The following CDK15 variants were observed in gnomAD, a reference collection of about 807,000 sequenced individuals.
CDK15 encodes cyclin-dependent kinase 15.
In CDK15, 62 loss-of-function variants were observed where a neutral mutation model predicts 60.3. That is an observed-to-expected ratio of 1.03 (90% CI 0.84 to 1.27). The LOEUF is 1.27. Ranked by LOEUF, CDK15 falls within the 50% of genes most tolerant of loss-of-function variation. CDK15 has a pLI of 0.00. For missense variants in CDK15, 541 were observed against 527.8 expected (o/e 1.03, Z -0.25); for synonymous variants, 194 against 195.7 (o/e 0.99, Z 0.07).
intron 12 of CDK15, chr2:201,889,348 GTGACA>G: frequency 1.0e-6 from 1 of 984,946 alleles, no homozygotes. Context: ...ATGTGCTTTG[GTGACA>G]ATGTGGCTGC....
intron 8 of CDK15, among the ~76,000 whole-genome samples, chr2:201,844,002 GC>G (rs1406911292): frequency 6.6e-6 from 1 of 152,160 alleles, no homozygotes; most frequent in African/African-American, 2.4e-5. Flanking sequence ...GCAATGGAAG[GC>G]TTTTTGGGGG....
In CDK15 at chr2:201,806,564, C is replaced by A. The variant is rs1574837760; in HGVS notation, c.-101C>A. 7.4e-7 allele frequency: 1 copy of A among 1,344,860 alleles called. No individual in the cohort carries two copies. Among genetic ancestry groups the A allele is most frequent in the Non-Finnish European group, 9.8e-7 (1 of 1,020,368 alleles). The allele number at this position is 1,344,860 out of a possible 1,614,324, so 83.3% of individuals were successfully genotyped here. ...AGCCATCATGTGAGTCATATGAAAGCTCCACGCTGCTGACCTCTGGCAAAA... is the reference window on the plus strand; with the variant it reads ...AGCCATCATGTGAGTCATATGAAAGATCCACGCTGCTGACCTCTGGCAAAA... On this transcript the variant is annotated 5_prime_UTR_variant, in exon 1 of 14. Transcript: ENST00000652192.
chr2:201,872,439 G>C (rs1396897169), intron 11 of CDK15, 113 bp downstream of exon 11: 7 of 1,109,440 alleles, frequency 6.3e-6, no homozygotes, highest in African/African-American at 1.5e-5. Context: ...CCATGTGGGG[G>C]CTCTAAGCTG....
At position 201,823,646 on chromosome 2, in the gene CDK15, T is replaced by C. The variant is rs780672146; in HGVS notation, c.544-19T>C. ...ACCACTAAATTCACTCACTTCTCTTTCTCCGCTGTTTTATTTAGCACACAG... is the reference window on the plus strand; with the variant it reads ...ACCACTAAATTCACTCACTTCTCTTCCTCCGCTGTTTTATTTAGCACACAG... On this transcript the variant is annotated intron_variant, in intron 5 of 13. Transcript: ENST00000652192. The C allele has an allele frequency of 6.8e-6, 11 of 1,611,648 alleles. No homozygotes were observed. The highest frequency in any genetic ancestry group is 9.3e-6 in the Non-Finnish European group (11 of 1,177,992).
intron 10 of CDK15, among the ~76,000 whole-genome samples, chr2:201,867,608 G>A (rs970532647): frequency 6.6e-6 from 1 of 152,150 alleles, no homozygotes; most frequent in African/African-American, 2.4e-5. Flanking sequence ...TCCAGCCTGG[G>A]CAACAGAATA....
At chr2:201,840,534 T>C (rs1004420787) in intron 8 of CDK15, among the ~76,000 whole-genome samples, 3 of 152,222 alleles carry the variant, frequency 2.0e-5, no homozygotes, top group African/African-American at 4.8e-5. Context: ...TTTTCATTTC[T>C]CCTGAAATAC....
chr2:201,835,512 G>T, intron 7 of CDK15, 131 bp from the exon 8 acceptor site: 1 of 1,030,486 alleles, frequency 9.7e-7, no homozygotes. Context: ...AGTCAAGATA[G>T]TGATTAGTTC....
intron 4 of CDK15, among the ~76,000 whole-genome samples, chr2:201,816,237 AG>A (rs1347501201): frequency 5.3e-5 from 8 of 152,194 alleles, no homozygotes; most frequent in African/African-American, 1.9e-4. Context: ...AGTACCTGAT[AG>A]GTAGTTTTTC....
At chr2:201,843,098 T>A (rs141920338) in intron 8 of CDK15, among the ~76,000 whole-genome samples, 3 of 152,156 alleles carry the variant, frequency 2.0e-5, no homozygotes, top group Non-Finnish European at 4.4e-5. Context: ...AAATAGATGA[T>A]AGCCACATGA....
chr2:201,876,656 C>T (rs1187371764), intron 11 of CDK15: 11 of 977,992 alleles, frequency 1.1e-5, no homozygotes, highest in Non-Finnish European at 1.5e-5. Flanking sequence ...ACCAGAAGCC[C>T]TGAAACAACC....
intron 6 of CDK15, among the ~76,000 whole-genome samples, chr2:201,824,324 G>T (rs575122858): frequency 6.6e-6 from 1 of 152,210 alleles, no homozygotes; most frequent in East Asian, 1.9e-4. Context: ...TATGAAATTT[G>T]TATATGATGT....
rs935114613 is a variant in CDK15, at chr2:201,882,554, G to A, written c.1198+2387G>A. Among the ~76,000 whole-genome samples, 21 of 152,072 alleles carry A rather than the reference G, an allele frequency of 1.4e-4. No individual in the cohort carries two copies. Among genetic ancestry groups the A allele is most frequent in the Admixed American group, 1.4e-3 (21 of 15,266 alleles). On this transcript the variant is annotated intron_variant, in intron 12 of 13. Coordinates refer to ENST00000652192, the MANE Select transcript of CDK15 (RefSeq NM_001366386.2). The surrounding 1 kb of genome is among the most constrained non-coding windows in gnomAD (Gnocchi z 4.0). ...CTGCCTCGGCGGACAAGCATTTCCT[G>A]CAGCGACATCTCGAATCCCCGAGGG...
At chr2:201,849,767 A>G (rs560005054) in intron 9 of CDK15, among the ~76,000 whole-genome samples, 2 of 152,312 alleles carry the variant, frequency 1.3e-5, no homozygotes, top group Non-Finnish European at 2.9e-5. Flanking sequence ...TGAAAAGAAT[A>G]TAAGTATATC....
intron 10 of CDK15, among the ~76,000 whole-genome samples, chr2:201,867,575 TGATCATGCTCATGCCA>T (rs1373405441): frequency 7.4e-6 from 1 of 134,934 alleles, no homozygotes; most frequent in Non-Finnish European, 1.7e-5. Context: ...CAGTGAGCTG[TGATCATGCTCATGCCA>T]TTGCACTCCA....
chr2:201,863,900 AAAC>A (rs766211074), intron 10 of CDK15, among the ~76,000 whole-genome samples: 7 of 152,174 alleles, frequency 4.6e-5, no homozygotes, highest in Non-Finnish European at 5.9e-5. Context: ...CATCTCAGAA[AAAC>A]AACAACAACA....
chr2:201,868,403 G>A (rs898643316), intron 10 of CDK15, among the ~76,000 whole-genome samples: 1 of 152,094 alleles, frequency 6.6e-6, no homozygotes, highest in Non-Finnish European at 1.5e-5. Flanking sequence ...GGGTTCACCC[G>A]GGTCCTGGGT....
intron 9 of CDK15, among the ~76,000 whole-genome samples, chr2:201,848,081 C>G (rs1194185403): frequency 6.6e-6 from 1 of 152,066 alleles, no homozygotes; most frequent in Non-Finnish European, 1.5e-5. Flanking sequence ...TAGCTGTGAC[C>G]ACGCCACTGC....
intron 10 of CDK15, among the ~76,000 whole-genome samples, chr2:201,856,735 G>A (rs1456980289): frequency 6.6e-6 from 1 of 152,170 alleles, no homozygotes; most frequent in Non-Finnish European, 1.5e-5. Flanking sequence ...CAGATGGATT[G>A]TAGGAAACAA....
intron 6 of CDK15, among the ~76,000 whole-genome samples, chr2:201,833,550 T>C (rs1225815547): frequency 6.6e-6 from 1 of 152,144 alleles, no homozygotes; most frequent in African/African-American, 2.4e-5. Flanking sequence ...AAAGGAAACT[T>C]CAAAGTTTCA....
Sources: gnomAD v4.1 joint callset for allele counts (sites outside exome capture counted in the v4.1 genomes callset) on GRCh38, gnomAD v4.1.1 for gene constraint, Gnocchi (gnomAD v3.1) non-coding constraint, MANE v1.5 for transcripts, NCBI Gene and HGNC (gene_info 2026-07-23, HGNC 2026-07-21) for gene names.